Variants in DBT observed in about 807,000 individuals in gnomAD.
The protein encoded by DBT is lipoamide acyltransferase component of branched-chain alpha-keto acid dehydrogenase complex, mitochondrial.
DBT carries 40 observed loss-of-function variants against 51.3 expected under a neutral mutation model. The ratio of observed to expected loss-of-function variants is 0.78; its 90% CI spans 0.61 to 1.02. DBT has a LOEUF of 1.02. DBT is among the 50% of genes least tolerant of loss of function. The probability of loss-of-function intolerance (pLI) is 0.00; values close to 1 mark genes in which losing one functional copy is unlikely to be tolerated. For missense variants in DBT, 510 were observed against 580.2 expected (o/e 0.88, Z 1.24); for synonymous variants, 181 against 190.4 (o/e 0.95, Z 0.41).
intron 5 of DBT, 119 bp from the exon 6 acceptor site, chr1:100,216,318 G>A (rs1337193822): frequency 1.4e-6 from 1 of 739,804 alleles, no homozygotes. Context: ...TTAGTAAAAG[G>A]AAATAACCTT....
chr1:100,210,338 AAGAAGAAG>A (rs1662061321), intron 8 of DBT, among the ~76,000 whole-genome samples: 1 of 144,292 alleles, frequency 6.9e-6, no homozygotes, highest in Non-Finnish European at 1.5e-5. Flanking sequence ...GAAGAAGAAG[AAGAAGAAG>A]AATAAGAATA....
intron 4 of DBT, 107 bp from the exon 5 acceptor site, chr1:100,218,854 A>C: frequency 4.9e-6 from 4 of 820,650 alleles, no homozygotes; most frequent in South Asian, 4.6e-5. Context: ...AAATAAATTA[A>C]AGTTTATAGT....
At chr1:100,219,100 C>T (rs1662677048) in intron 4 of DBT, among the ~76,000 whole-genome samples, 1 of 152,058 alleles carries the variant, frequency 6.6e-6, no homozygotes, top group Non-Finnish European at 1.5e-5. Context: ...GCCTGCAATC[C>T]CAGCAATTTG....
Position 100,187,870 on chromosome 1 carries a change from T to G in DBT, c.*8385A>C, listed in dbSNP as rs886044940. The G allele has an allele frequency of 1.3e-5, 2 of 152,208 alleles. No individual in the cohort carries two copies. The highest frequency in any genetic ancestry group is 1.9e-4 in the East Asian group (1 of 5,200). The allele number at this position is 152,208 out of a possible 1,614,324, so 9.4% of individuals were successfully genotyped here. A position where few individuals can be genotyped will look rare whatever the true frequency, so the allele number is the denominator to read the frequency against. On this transcript the variant is annotated 3_prime_UTR_variant, in exon 11 of 11. Transcript: ENST00000370132. The stretch of plus-strand genomic sequence containing the variant: ...GGAAGCTGTGACAAATTTTTGTATT[T>G]AGAAAGTATGACAATCTGAAAATCA...
At chr1:100,243,392 G>T (rs1272554344) in intron 1 of DBT, among the ~76,000 whole-genome samples, 1 of 148,540 alleles carries the variant, frequency 6.7e-6, no homozygotes, top group African/African-American at 2.5e-5. Context: ...TCAGCTTACT[G>T]CAACCTCCGC....
intron 1 of DBT, 145 bp downstream of exon 1, chr1:100,249,625 G>C (rs1336698923): frequency 1.2e-6 from 1 of 835,862 alleles, no homozygotes; most frequent in African/African-American, 1.7e-5. Context: ...TCCGTTCTCT[G>C]CCCTTTATTT....
chr1:100,205,139 A>C (rs1375035329), intron 10 of DBT, among the ~76,000 whole-genome samples: 4 of 152,246 alleles, frequency 2.6e-5, no homozygotes, highest in African/African-American at 7.2e-5. Flanking sequence ...TCTGCACAGC[A>C]AAAGAAACTA....
Position 100,240,194 on chromosome 1 carries a change from G to A in DBT, c.175+567C>T, listed in dbSNP as rs184147029. Among the ~76,000 whole-genome samples the A allele has an allele frequency of 9.9e-5, 15 of 152,270 alleles. No individual in the cohort carries two copies. In the East Asian group the frequency reaches 2.9e-3, roughly 29 times the overall value. On this transcript the variant is annotated intron_variant, in intron 2 of 10. Transcript: ENST00000370132. ...TGGTTTCATCACACCATGTTCACTT[G>A]ACAGATTAAGTGCTTCTTTCAACAA...
intron 1 of DBT, among the ~76,000 whole-genome samples, chr1:100,241,267 T>C (rs1233248609): frequency 3.9e-5 from 6 of 152,144 alleles, no homozygotes; most frequent in Non-Finnish European, 7.4e-5. Context: ...CTATTTTACA[T>C]AGTACCTTAG....
Position 100,196,390 on chromosome 1 carries a change from T to C in DBT, c.1314A>G (p.Val438=). The C allele has an allele frequency of 6.3e-7, 1 of 1,593,114 alleles. No homozygotes were observed. Residue 438 remains valine, a synonymous_variant, in exon 11 of 11, where the codon GTA becomes GTG. Transcript: ENST00000370132. ...TCACATTCATTATCTGTGCCTTATA[T>C]ACTTCTCCTTTCTGGTTAAATCGGG... ...AIPRFNQKGE[V]YKAQIMNVSW...
chr1:100,229,152 T>C lies in DBT; in HGVS notation c.433+1581A>G, dbSNP rs533145151. ...GTCCTGTCACCAACCATTGAGCAAA[T>C]TGTCCAACCTTTCTTTTTTTTCCTT... On this transcript the variant is annotated intron_variant, in intron 4 of 10. Transcript: ENST00000370132. 7.9e-5 allele frequency among the ~76,000 whole-genome samples: 12 copies of C among 152,234 alleles called. No individual in the cohort carries two copies. In the South Asian group the frequency reaches 8.3e-4, roughly 11 times the overall value.
At chr1:100,204,306 A>G (rs1661629958) in intron 10 of DBT, among the ~76,000 whole-genome samples, 1 of 152,176 alleles carries the variant, frequency 6.6e-6, no homozygotes, top group Non-Finnish European at 1.5e-5. Flanking sequence ...CTATACACCA[A>G]TAACAGACAA....
intron 10 of DBT, among the ~76,000 whole-genome samples, chr1:100,200,210 G>A (rs962326696): frequency 5.9e-5 from 9 of 152,162 alleles, no homozygotes; most frequent in African/African-American, 1.9e-4. Flanking sequence ...GGATGCTGGA[G>A]GTTGGTGGGG....
intron 8 of DBT, chr1:100,210,448 A>G: frequency 2.5e-6 from 1 of 398,446 alleles, no homozygotes; most frequent in South Asian, 3.1e-5. Flanking sequence ...CCATACAGCT[A>G]TGTATTTCCA....
chr1:100,237,276 C>T (rs188220883), intron 2 of DBT, among the ~76,000 whole-genome samples: 1 of 152,156 alleles, frequency 6.6e-6, no homozygotes, highest in Non-Finnish European at 1.5e-5. Flanking sequence ...AATGGTCAGA[C>T]ACATGAGTGA....
rs1000169229 is a variant in DBT, at chr1:100,189,392, A to C, written c.*6863T>G. 6.6e-6 allele frequency: 1 copy of C among 151,396 alleles called. No individual in the cohort carries two copies. Among genetic ancestry groups the C allele is most frequent in the African/African-American group, 2.4e-5 (1 of 41,150 alleles). 9.4% of individuals were successfully genotyped at this position (151,396 alleles called of 1,614,324 possible). On this transcript the variant is annotated 3_prime_UTR_variant, in exon 11 of 11. Coordinates refer to ENST00000370132, the MANE Select transcript of DBT (RefSeq NM_001918.5). ...AAAAGCCTGTGGTTATTTTGATGGGATAGCAAGGATAACATGAACCATGTA... is the reference window on the plus strand; with the variant it reads ...AAAAGCCTGTGGTTATTTTGATGGGCTAGCAAGGATAACATGAACCATGTA...
intron 1 of DBT, 118 bp downstream of exon 1, chr1:100,249,652 C>T (rs1664797380): frequency 1.0e-6 from 1 of 985,060 alleles, no homozygotes; most frequent in Non-Finnish European, 1.6e-6. Flanking sequence ...CATCCCTTCA[C>T]CTCTCCATCA....
rs1661069850 is a variant in DBT, at chr1:100,196,073, A to G, written c.*182T>C. The G allele has an allele frequency of 3.1e-6, 2 of 649,040 alleles. No homozygotes were observed. The highest frequency in any genetic ancestry group is 2.7e-6 in the Non-Finnish European group (1 of 369,138). The allele number at this position is 649,040 out of a possible 1,614,324, so 40.2% of individuals were successfully genotyped here. On this transcript the variant is annotated 3_prime_UTR_variant, in exon 11 of 11. Transcript: ENST00000370132. ...ATGTGACAGCCCCAGGAGAACCATT[A>G]CACCATTATTCATTTTCAGTAAAAA...
intron 7 of DBT, among the ~76,000 whole-genome samples, chr1:100,212,620 G>A (rs1164202220): frequency 6.6e-6 from 1 of 152,214 alleles, no homozygotes; most frequent in Non-Finnish European, 1.5e-5. Context: ...CAGTAAGTGA[G>A]TAAGTGAAGA....
Sources: gnomAD v4.1 joint callset for allele counts (sites outside exome capture counted in the v4.1 genomes callset) on GRCh38, gnomAD v4.1.1 for gene constraint, MANE v1.5 for transcripts, NCBI Gene and HGNC (gene_info 2026-07-23, HGNC 2026-07-21) for gene names.